FGD6: variants seen among roughly 807,000 people sequenced by gnomAD.
FGD6 encodes the protein FYVE, RhoGEF and PH domain containing 6, also known as FYVE, RhoGEF and PH domain-containing protein 6.
Under a neutral mutation model 149.4 loss-of-function variants are expected in FGD6, and 90 were observed. The ratio of observed to expected loss-of-function variants is 0.60; its 90% confidence interval spans 0.51 to 0.72. The LOEUF (loss-of-function observed/expected upper bound fraction) is 0.72. FGD6 is among the 30% of genes least tolerant of loss of function. The probability of loss-of-function intolerance (pLI) is 0.00; values close to 1 mark genes in which losing one functional copy is unlikely to be tolerated. For missense variants in FGD6, 1,437 were observed against 1,684.8 expected (o/e 0.85, Z 2.57); for synonymous variants, 527 against 584.0 (o/e 0.90, Z 1.41).
intron 7 of FGD6, among the ~76,000 whole-genome samples, chr12:95,136,345 T>C (rs528669474): frequency 8.5e-5 from 13 of 152,156 alleles, no homozygotes; most frequent in African/African-American, 3.1e-4. Flanking sequence ...GCGACAGAGC[T>C]AGACTCCATC....
chr12:95,210,204 T>A lies in FGD6; in HGVS notation c.1080A>T (p.Lys360Asn). The A allele has an allele frequency of 6.2e-7, 1 of 1,614,046 alleles. No individual in the cohort carries two copies. Among genetic ancestry groups the A allele is most frequent in the Non-Finnish European group, 8.5e-7 (1 of 1,180,014 alleles). Residue 360 changes from lysine to asparagine, a missense_variant, in exon 2 of 21, where the codon AAA (lysine) becomes AAT (asparagine). Transcript: ENST00000343958. ...AAACATTCTGATGCAGAACACTGATTTTATTGATTTTCAAACTATTTTCAG... is the reference window on the plus strand; with the variant it reads ...AAACATTCTGATGCAGAACACTGATATTATTGATTTTCAAACTATTTTCAG... Reference protein sequence around the residue: ...CLTENSLKINKISVLHQNVLC... With the variant: ...CLTENSLKINNISVLHQNVLC...
At chr12:95,205,976 C>T (rs750744558) in intron 2 of FGD6, among the ~76,000 whole-genome samples, 4 of 152,154 alleles carry the variant, frequency 2.6e-5, no homozygotes, top group Non-Finnish European at 5.9e-5. Flanking sequence ...TTCCTGTGGC[C>T]TCCAGAAAGA....
At chr12:95,198,438 AT>A (rs748984160) in intron 2 of FGD6, among the ~76,000 whole-genome samples, 1 of 151,334 alleles carries the variant, frequency 6.6e-6, no homozygotes, top group South Asian at 2.1e-4. Flanking sequence ...AGCGATTACT[AT>A]TTTTTTTTCT....
chr12:95,148,724 A>C (rs1225551895), intron 5 of FGD6, among the ~76,000 whole-genome samples: 1 of 87,264 alleles, frequency 1.1e-5, no homozygotes, highest in Non-Finnish European at 2.0e-5. Flanking sequence ...CATATGTTAT[A>C]TTACATATAT....
intron 5 of FGD6, 45 bp from the exon 6 acceptor site, chr12:95,141,584 T>G (rs1394902805): frequency 6.2e-7 from 1 of 1,605,738 alleles, no homozygotes; most frequent in East Asian, 2.2e-5. Flanking sequence ...CACATGTAAC[T>G]TGATAACAAG....
At chr12:95,179,749 A>C (rs1881226701) in intron 2 of FGD6, among the ~76,000 whole-genome samples, 1 of 152,014 alleles carries the variant, frequency 6.6e-6, no homozygotes, top group Non-Finnish European at 1.5e-5. Context: ...TTAAAAAAAG[A>C]CCGGTTAAAT....
intron 16 of FGD6, among the ~76,000 whole-genome samples, chr12:95,092,376 A>G (rs1878085312): frequency 6.6e-6 from 1 of 152,198 alleles, no homozygotes; most frequent in Admixed American, 6.5e-5. Flanking sequence ...ACTTAGTACT[A>G]GAGAGATGCA....
chr12:95,113,586 T>C (rs1432186280), intron 9 of FGD6, 65 bp downstream of exon 9: 1 of 1,235,500 alleles, frequency 8.1e-7, no homozygotes, highest in Non-Finnish European at 1.2e-6. Flanking sequence ...CAATATATTT[T>C]TACTTTCTAG....
rs60238488 is a variant in FGD6 at position 95,114,443 on chromosome 12, T to TACACAC, written c.3083-748_3083-743dup. 2.3e-3 allele frequency among the ~76,000 whole-genome samples: 284 copies of TACACAC among 125,424 alleles called. 2 individuals are homozygous for TACACAC. Among genetic ancestry groups the TACACAC allele is most frequent in the African/African-American group, 5.2e-3 (167 of 32,160 alleles). The allele number at this position is 125,424 out of a possible 152,430, so 82.3% of individuals were successfully genotyped here. A position where few individuals can be genotyped will look rare whatever the true frequency, so the allele number is the denominator to read the frequency against. On this transcript the variant is annotated intron_variant, in intron 8 of 20. Coordinates refer to ENST00000343958, the MANE Select transcript of FGD6 (RefSeq NM_018351.4). Reference sequence around the variant, plus strand: ...CAACATGGGGAAACCCCATCTCTACTACACACACACACACACACACACACA... The same window carrying TACACAC: ...CAACATGGGGAAACCCCATCTCTACTACACACACACACACACACACACACACACACA...
chr12:95,108,158 A>G (rs961131380), intron 11 of FGD6, among the ~76,000 whole-genome samples, 190 bp downstream of exon 11: 22 of 152,222 alleles, frequency 1.4e-4, no homozygotes, highest in African/African-American at 5.1e-4. Flanking sequence ...GACTTACTTC[A>G]TAAATGGGCT....
intron 6 of FGD6, among the ~76,000 whole-genome samples, chr12:95,138,981 A>G (rs1427635208): frequency 6.5e-5 from 1 of 15,302 alleles, no homozygotes; most frequent in Non-Finnish European, 1.4e-4. Flanking sequence ...TGCATACTTA[A>G]GAGCACAGAC....
In FGD6 at chr12:95,147,966, G is replaced by A. The variant is rs143116954; in HGVS notation, c.2685+4845C>T. On this transcript the variant is annotated intron_variant, in intron 5 of 20. Coordinates refer to ENST00000343958, the MANE Select transcript of FGD6 (RefSeq NM_018351.4). ...CCTGAAGGCTTGGAAAGACAGCTGT[G>A]AAACAGAGGCATCTAAAGAGAAGGA... is the stretch of plus-strand genomic sequence containing the variant. 4.4e-3 allele frequency among the ~76,000 whole-genome samples: 662 copies of A among 152,176 alleles called. 2 individuals carry two copies. The highest frequency in any genetic ancestry group is 7.4e-3 in the Non-Finnish European group (504 of 68,008).
intron 14 of FGD6, among the ~76,000 whole-genome samples, chr12:95,096,865 T>C (rs966946559): frequency 5.9e-5 from 9 of 152,356 alleles, no homozygotes; most frequent in South Asian, 2.1e-4. Context: ...TGAGAATACA[T>C]GCTCAGGGTT....
chr12:95,121,464 G>GATATAT (rs367593135), intron 8 of FGD6, among the ~76,000 whole-genome samples: 1,154 of 71,252 alleles, frequency 0.016, 7 homozygotes, highest in Non-Finnish European at 0.02. Context: ...AAAAAAAAAA[G>GATATAT]ATATATATAT....
chr12:95,181,005 GA>G (rs1290810774), intron 2 of FGD6, among the ~76,000 whole-genome samples: 1 of 148,364 alleles, frequency 6.7e-6, no homozygotes, highest in Non-Finnish European at 1.5e-5. Flanking sequence ...AAAAAAAAAA[GA>G]AAAAATCTCT....
chr12:95,100,340 T>C (rs1435711603), intron 14 of FGD6, among the ~76,000 whole-genome samples: 3 of 152,120 alleles, frequency 2.0e-5, no homozygotes, highest in Non-Finnish European at 4.4e-5. Context: ...TATGCCAGTC[T>C]CCAAACAATG....
intron 15 of FGD6, among the ~76,000 whole-genome samples, chr12:95,093,047 C>T (rs1030468400): frequency 6.6e-6 from 1 of 151,802 alleles, no homozygotes; most frequent in Non-Finnish European, 1.5e-5. Context: ...ACAGTGAAAC[C>T]CTGTTTCTAC....
chr12:95,197,840 T>A (rs1408359025), intron 2 of FGD6, among the ~76,000 whole-genome samples: 1 of 152,176 alleles, frequency 6.6e-6, no homozygotes, highest in Non-Finnish European at 1.5e-5. Context: ...ATGACAGGAA[T>A]CATATTTAAC....
chr12:95,138,555 G>GAA (rs568018603), intron 6 of FGD6, among the ~76,000 whole-genome samples: 7 of 117,236 alleles, frequency 6.0e-5, no homozygotes, highest in Admixed American at 1.7e-4. Flanking sequence ...AAAAGAAAAA[G>GAA]AAAAAAAAAA....
Sources: gnomAD v4.1 joint callset for allele counts (sites outside exome capture counted in the v4.1 genomes callset) on GRCh38, gnomAD v4.1.1 for gene constraint, MANE v1.5 for transcripts, NCBI Gene and HGNC (gene_info 2026-07-23, HGNC 2026-07-21) for gene names.